The following ACACB variants were observed in gnomAD, a reference collection of about 807,000 sequenced individuals.
The protein encoded by ACACB is acetyl-CoA carboxylase beta.
A neutral mutation model predicts 278.8 loss-of-function variants in ACACB; 209 were observed. The ratio of observed to expected loss-of-function variants is 0.75; its 90% CI spans 0.67 to 0.84. ACACB has a LOEUF of 0.84. Ranked by LOEUF, ACACB falls within the 40% of genes least tolerant of loss-of-function variation. The pLI is 0.00. For synonymous variants in ACACB, 1,174 were observed against 1,285.6 expected, an observed-to-expected ratio of 0.91 and a Z score of 1.86; for missense variants, 2,850 against 3,269.0, an observed-to-expected ratio of 0.87 and a Z score of 3.13.
chr12:109,257,289 A>G lies in ACACB; in HGVS notation c.6264-979A>G, dbSNP rs189304494. ...ACTCCATCTTCAAAATAAATAAAAT[A>G]AAATAAATTATATTTTTAAAAGCAA... On this transcript the variant is annotated intron_variant, in intron 45 of 52. Transcript: ENST00000338432. 2.7e-3 allele frequency among the ~76,000 whole-genome samples: 411 copies of G among 152,092 alleles called. 1 individual carries two copies. The highest frequency in any genetic ancestry group is 9.6e-3 in the African/African-American group (399 of 41,498).
rs1192116234 is a variant in ACACB, at chr12:109,140,271, TTTCCTTCCTTCCTTCCTTCCTTCC to T, written c.653+270_653+293del. 8.2e-3 allele frequency among the ~76,000 whole-genome samples: 332 copies of T among 40,488 alleles called. 1 individual carries two copies. The highest frequency in any genetic ancestry group is 0.033 in the Middle Eastern group (2 of 60). 26.6% of individuals were successfully genotyped at this position (40,488 alleles called of 152,430 possible). A position where few individuals can be genotyped will look rare whatever the true frequency, so the allele number is the denominator to read the frequency against. Reference sequence around the variant, plus strand: ...CCTTCCTTCCATCCTTCCTTCCTTCTTTCCTTCCTTCCTTCCTTCCTTCCTTCCTTCCTTCCTTCCTTCCTTCCT... The same window carrying T: ...CCTTCCTTCCATCCTTCCTTCCTTCTTTCCTTCCTTCCTTCCTTCCTTCCT... On this transcript the variant is annotated intron_variant, in intron 2 of 52. Transcript: ENST00000338432.
rs2136669713 is a variant in ACACB at position 109,241,176 on chromosome 12, C to T, written c.4917C>T (p.Thr1639=). Reference sequence around the variant, plus strand: ...AGGTCAAGATCAACATCCGCCAGACCACCACCGGCAGTGCCGTTCCCATCC... The same window carrying T: ...AGGTCAAGATCAACATCCGCCAGACTACCACCGGCAGTGCCGTTCCCATCC... ...QAEVKINIRQ[T]TTGSAVPIRL... The change falls in exon 36 of 53, where the codon ACC becomes ACT. Residue 1639 remains threonine (T), a synonymous_variant. Coordinates refer to ENST00000338432, the MANE Select transcript of ACACB (RefSeq NM_001093.4). 1.9e-6 allele frequency: 3 copies of T among 1,614,162 alleles called. No individual in the cohort carries two copies. Among genetic ancestry groups the T allele is most frequent in the East Asian group, 2.2e-5 (1 of 44,878 alleles).
chr12:109,191,785 T>A (rs1306267111), intron 14 of ACACB, 22 bp downstream of exon 14: 2 of 1,614,114 alleles, frequency 1.2e-6, no homozygotes, highest in Non-Finnish European at 1.7e-6. Context: ...GCTGCCTGTG[T>A]CTCCCCTCTG....
intron 50 of ACACB, among the ~76,000 whole-genome samples, chr12:109,264,766 C>T (rs2047470484): frequency 6.6e-6 from 1 of 152,164 alleles, no homozygotes; most frequent in South Asian, 2.1e-4. Context: ...CAGTCACCTC[C>T]TACCCATGTC....
intron 24 of ACACB, 102 bp from the exon 25 acceptor site, chr12:109,222,405 G>A (rs2046195526): frequency 1.9e-6 from 2 of 1,034,572 alleles, no homozygotes; most frequent in African/African-American, 1.6e-5. Context: ...GAGTGGAGCA[G>A]CCGCCTGGCT....
rs112653910 is a variant in ACACB, at chr12:109,170,657, G to A, written c.926-1148G>A. ...TTGCCAAGGACATGAGGGAGGGAGA[G>A]AAAGGGAGTTGTTCATGAGTATAGA... On this transcript the variant is annotated intron_variant, in intron 4 of 52. Coordinates refer to ENST00000338432, the MANE Select transcript of ACACB (RefSeq NM_001093.4). Among the ~76,000 whole-genome samples, 477 of 152,112 alleles carry A rather than the reference G, an allele frequency of 3.1e-3. 6 individuals carry two copies. The highest frequency in any genetic ancestry group is 0.011 in the African/African-American group (455 of 41,482).
intron 11 of ACACB, among the ~76,000 whole-genome samples, chr12:109,183,541 C>T (rs2136237370): frequency 6.6e-6 from 1 of 152,182 alleles, no homozygotes; most frequent in East Asian, 1.9e-4. Context: ...TTGTTTGTAG[C>T]TATCATAAAT....
rs115123507 is a variant in ACACB, at chr12:109,222,667, C to T, written c.3678+47C>T. On this transcript the variant is annotated intron_variant, in intron 25 of 52. Transcript: ENST00000338432. ...CCCACGATGTGCGTTTCCCCCCACC[C>T]TCCTATGTGTCCCCTACCGTGCTCA... 1.2e-3 allele frequency: 1,921 copies of T among 1,556,802 alleles called. 20 individuals are homozygous for T. In the African/African-American group the frequency reaches 0.022, roughly 17 times the overall value.
chr12:109,222,920 C>A lies in ACACB; in HGVS notation c.3792+8C>A. The stretch of plus-strand genomic sequence containing the variant: ...TGCCCCGAGAACCTCAAGGTGAGCC[C>A]GTCTCCTTCCTTTCACCATCTGCAG... On this transcript the variant is annotated splice_region_variant and intron_variant, in intron 26 of 52. Transcript: ENST00000338432. 6.3e-7 allele frequency: 1 copy of A among 1,588,150 alleles called. No homozygotes were observed. The highest frequency in any genetic ancestry group is 2.3e-5 in the East Asian group (1 of 43,900).
rs1593680948 is a variant in ACACB at position 109,242,383 on chromosome 12, G to A, written c.5023-54G>A. On this transcript the variant is annotated intron_variant, in intron 36 of 52. Transcript: ENST00000338432. ...ATTGAGGACTGGGCAGAAATAAATTGGGGGAGATGTGTGATTCTCTCTCAC... is the reference window on the plus strand; with the variant it reads ...ATTGAGGACTGGGCAGAAATAAATTAGGGGAGATGTGTGATTCTCTCTCAC... 7 of 1,568,734 alleles carry A rather than the reference G, an allele frequency of 4.5e-6. No individual in the cohort carries two copies. In the East Asian group the frequency reaches 1.6e-4, roughly 35 times the overall value.
At chr12:109,185,451 C>T (rs2044619338) in intron 11 of ACACB, 128 bp from the exon 12 acceptor site, 1 of 992,858 alleles carries the variant, frequency 1.0e-6, no homozygotes, top group Admixed American at 2.4e-5. Context: ...ACCATGTTGT[C>T]TATAGAGTAG....
chr12:109,259,920 A>G (rs2047334384), intron 47 of ACACB: 3 of 483,656 alleles, frequency 6.2e-6, no homozygotes, highest in Non-Finnish European at 7.5e-6. Context: ...GGGTGACATC[A>G]CTGAGCCTCA....
chr12:109,156,327 C>A (rs149326086), intron 2 of ACACB, among the ~76,000 whole-genome samples: 8 of 151,924 alleles, frequency 5.3e-5, no homozygotes, highest in Non-Finnish European at 8.8e-5. Flanking sequence ...CTCGGGAGTT[C>A]GAGACCAGCT....
At chr12:109,249,916 G>T in intron 40 of ACACB, 68 bp from the exon 41 acceptor site, 1 of 1,537,516 alleles carries the variant, frequency 6.5e-7, no homozygotes, top group South Asian at 1.3e-5. Flanking sequence ...GTCCCTTCTT[G>T]GGAAATGCAT....
At chr12:109,260,091 T>A (rs1479674064) in intron 47 of ACACB, 1 of 1,364,124 alleles carries the variant, frequency 7.3e-7, no homozygotes, top group Non-Finnish European at 9.7e-7. Flanking sequence ...GAGAGATGTG[T>A]CTTGGTGGAA....
intron 50 of ACACB, 87 bp downstream of exon 50, chr12:109,264,473 G>A: frequency 6.6e-7 from 1 of 1,526,040 alleles, no homozygotes; most frequent in Non-Finnish European, 9.0e-7. Flanking sequence ...GGGCGGGGAG[G>A]GCGGTGGTGG....
In ACACB at chr12:109,265,235, G is replaced by A. The variant is rs761544437; in HGVS notation, c.7068G>A (p.Gln2356=). 1 of 1,613,620 alleles carries A rather than the reference G, an allele frequency of 6.2e-7. No homozygotes were observed. Among genetic ancestry groups the A allele is most frequent in the Admixed American group, 1.7e-5 (1 of 60,020 alleles). The change falls in exon 51 of 53, where the codon CAG becomes CAA. Residue 2356 remains glutamine (Q), a synonymous_variant. Coordinates refer to ENST00000338432, the MANE Select transcript of ACACB (RefSeq NM_001093.4). ...ASGELSHVHI[Q]SMLRRWFVET... ...GGGAGCTGAGTCACGTGCATATCCA[G>A]TCCATGCTGCGTCGCTGGTTCGTGG...
chr12:109,228,302 C>T (rs967655436), intron 28 of ACACB, among the ~76,000 whole-genome samples: 3 of 151,044 alleles, frequency 2.0e-5, no homozygotes, highest in Admixed American at 6.6e-5. Context: ...CACCACTACA[C>T]GCCAGCCTGG....
chr12:109,261,600 G>A (rs551150728), intron 48 of ACACB, among the ~76,000 whole-genome samples: 1 of 152,292 alleles, frequency 6.6e-6, no homozygotes, highest in Admixed American at 6.5e-5. Context: ...GCCAGGCGTG[G>A]TGGCTCACGC....
Sources: gnomAD v4.1 joint callset for allele counts (sites outside exome capture counted in the v4.1 genomes callset) on GRCh38, gnomAD v4.1.1 for gene constraint, MANE v1.5 for transcripts, NCBI Gene and HGNC (gene_info 2026-07-23, HGNC 2026-07-21) for gene names.